The following PACC1 variants were observed in gnomAD, a reference collection of about 807,000 sequenced individuals.
The protein encoded by PACC1 is proton activated chloride channel 1.
Under a neutral mutation model 39.7 loss-of-function variants are expected in PACC1, and 34 were observed. The ratio of observed to expected loss-of-function variants is 0.86; its 90% confidence interval spans 0.65 to 1.14. PACC1 has a LOEUF of 1.14. Among genes scored for constraint, PACC1 ranks in the 50% most tolerant of loss-of-function variants. The probability of loss-of-function intolerance (pLI) is 0.00; values close to 1 mark genes in which losing one functional copy is unlikely to be tolerated. For synonymous variants in PACC1, 127 were observed against 160.6 expected (o/e 0.79, Z 1.58); for missense variants, 379 against 436.4 (o/e 0.87, Z 1.17).
At chr1:212,412,978 T>C (rs1662191191) in intron 1 of PACC1, among the ~76,000 whole-genome samples, 1 of 152,178 alleles carries the variant, frequency 6.6e-6, no homozygotes, top group Non-Finnish European at 1.5e-5. Context: ...TGTGACTCAA[T>C]AAAAGTCACA....
At chr1:212,411,046 G>A (rs1662109710) in intron 1 of PACC1, among the ~76,000 whole-genome samples, 2 of 152,190 alleles carry the variant, frequency 1.3e-5, no homozygotes. Context: ...ACTCCTGTAT[G>A]ACCTCATCTT....
At chr1:212,376,038 C>T (rs1660653745) in intron 6 of PACC1, among the ~76,000 whole-genome samples, 1 of 152,052 alleles carries the variant, frequency 6.6e-6, no homozygotes. Context: ...TTCAAGTTTA[C>T]AGGGACAAAG....
At chr1:212,396,798 ATC>A (rs1558178584) in intron 2 of PACC1, among the ~76,000 whole-genome samples, 2 of 968 alleles carry the variant, frequency 2.1e-3, no homozygotes, top group East Asian at 0.03. Flanking sequence ...GGAAAAAAAT[ATC>A]TATCTATCTA....
intron 2 of PACC1, among the ~76,000 whole-genome samples, chr1:212,407,442 T>C (rs924055829): frequency 1.1e-4 from 16 of 152,230 alleles, no homozygotes; most frequent in African/African-American, 3.9e-4. Context: ...ATAATAAATT[T>C]GTGTTTTTTT....
chr1:212,370,155 C>A (rs1485167782), intron 7 of PACC1, among the ~76,000 whole-genome samples: 2 of 152,126 alleles, frequency 1.3e-5, no homozygotes, highest in Non-Finnish European at 2.9e-5. Flanking sequence ...ACCAAATGGA[C>A]CTAACTGACA....
rs750004419 is a variant in PACC1, at chr1:212,410,497, CCA to C, written c.59_60del (p.Val20GlyfsTer2). ...YQELSEELVQVVENSELADEQ... is the reference protein window; with the variant it reads ...YQELSEELVQXVENSELADEQ... Reference sequence around the variant, plus strand: ...TCGTCTGCCAGCTCTGAGTTCTCAACCACCTGGACCAACTCCTCACTCAGCTA... The same window carrying C: ...TCGTCTGCCAGCTCTGAGTTCTCAACCCTGGACCAACTCCTCACTCAGCTA... On this transcript the variant is annotated frameshift_variant, in exon 2 of 8. Coordinates refer to ENST00000261455, the MANE Select transcript of PACC1 (RefSeq NM_018252.3). LOFTEE classifies it high-confidence loss of function. The C allele has an allele frequency of 6.2e-7, 1 of 1,614,188 alleles. No individual in the cohort carries two copies. Among genetic ancestry groups the C allele is most frequent in the Admixed American group, 1.7e-5 (1 of 60,024 alleles).
chr1:212,371,801 CAAT>C (rs1291477580), intron 7 of PACC1, among the ~76,000 whole-genome samples: 7 of 152,140 alleles, frequency 4.6e-5, no homozygotes, highest in African/African-American at 1.4e-4. Flanking sequence ...CAACCAAATT[CAAT>C]AATACATTAA....
At chr1:212,392,513 C>A (rs555226932) in intron 2 of PACC1, among the ~76,000 whole-genome samples, 1 of 152,312 alleles carries the variant, frequency 6.6e-6, no homozygotes, top group Non-Finnish European at 1.5e-5. Context: ...ACCATCAATG[C>A]TAGGAAGAAA....
chr1:212,381,769 T>TCACACACACACACACACACA (rs1660901884), intron 4 of PACC1, among the ~76,000 whole-genome samples: 1 of 19,158 alleles, frequency 5.2e-5, no homozygotes, highest in South Asian at 7.0e-4. Flanking sequence ...GACAGCACAG[T>TCACACACACACACACACACA]GACACACACA....
chr1:212,404,362 T>C (rs1661829167), intron 2 of PACC1, among the ~76,000 whole-genome samples: 1 of 151,716 alleles, frequency 6.6e-6, no homozygotes, highest in Non-Finnish European at 1.5e-5. Context: ...CACCTCAGCC[T>C]CCCAAAGTGC....
intron 2 of PACC1, among the ~76,000 whole-genome samples, chr1:212,392,051 A>G (rs1469919204): frequency 6.6e-6 from 1 of 152,198 alleles, no homozygotes; most frequent in Non-Finnish European, 1.5e-5. Flanking sequence ...TTCCCCAACC[A>G]AGCAAGGCAG....
At chr1:212,399,636 A>C (rs1437342555) in intron 2 of PACC1, among the ~76,000 whole-genome samples, 2 of 152,012 alleles carry the variant, frequency 1.3e-5, no homozygotes, top group Non-Finnish European at 2.9e-5. Flanking sequence ...TCCACCTCCC[A>C]GGCTCAATCA....
chr1:212,396,009 C>T (rs186199574), intron 2 of PACC1, among the ~76,000 whole-genome samples: 7 of 152,304 alleles, frequency 4.6e-5, no homozygotes, highest in African/African-American at 9.6e-5. Context: ...CTAGTTCAAC[C>T]GTTGTGGAAG....
rs61828748 is a variant in PACC1 at position 212,400,316 on chromosome 1, T to A, written c.133+10109A>T. Among the ~76,000 whole-genome samples the A allele has an allele frequency of 5.1e-3, 776 of 152,294 alleles. 6 individuals carry two copies. The highest frequency in any genetic ancestry group is 8.9e-3 in the Non-Finnish European group (603 of 68,032). ...CCTTGGTTAAGGAAAGAGATGAAGT[T>A]CTCCCTACATGTTCCTGAAAATTCT... On this transcript the variant is annotated intron_variant, in intron 2 of 7. Coordinates refer to ENST00000261455, the MANE Select transcript of PACC1 (RefSeq NM_018252.3).
At chr1:212,392,793 C>G (rs1310173612) in intron 2 of PACC1, among the ~76,000 whole-genome samples, 1 of 151,232 alleles carries the variant, frequency 6.6e-6, no homozygotes, top group Non-Finnish European at 1.5e-5. Flanking sequence ...ATCCTAGTCT[C>G]TGATAAAACA....
chr1:212,381,682 ACACACACACACTG>A (rs1245181589), intron 4 of PACC1, among the ~76,000 whole-genome samples: 3 of 98,566 alleles, frequency 3.0e-5, no homozygotes, highest in Non-Finnish European at 7.4e-5. Flanking sequence ...GCACAGACAC[ACACACACACACTG>A]CACACACACA....
intron 7 of PACC1, among the ~76,000 whole-genome samples, chr1:212,372,364 A>C (rs982927544): frequency 6.6e-6 from 1 of 152,112 alleles, no homozygotes; most frequent in East Asian, 1.9e-4. Flanking sequence ...TACCACAATA[A>C]AGGCCATACA....
chr1:212,409,244 C>T (rs1228560742), intron 2 of PACC1, among the ~76,000 whole-genome samples: 7 of 152,242 alleles, frequency 4.6e-5, no homozygotes, highest in South Asian at 2.1e-4. Flanking sequence ...GACAAACAAA[C>T]GCACCATTCC....
intron 6 of PACC1, among the ~76,000 whole-genome samples, chr1:212,376,289 T>C (rs1191679941): frequency 6.6e-6 from 1 of 152,188 alleles, no homozygotes; most frequent in Non-Finnish European, 1.5e-5. Flanking sequence ...GGCATACCTA[T>C]GTGAGAGCAC....
Sources: allele counts gnomAD v4.1 joint callset (sites outside exome capture counted in the v4.1 genomes callset), GRCh38; gene constraint gnomAD v4.1.1; transcripts MANE v1.5; gene names NCBI Gene and HGNC (gene_info 2026-07-23, HGNC 2026-07-21).